Variants in FRMPD2 observed in about 807,000 individuals in gnomAD.
FRMPD2 encodes the protein FERM and PDZ domain containing 2.
Under a neutral mutation model 140.1 loss-of-function variants are expected in FRMPD2, and 96 were observed. The observed-to-expected ratio is 0.69, with a 90% CI of 0.58 to 0.81. FRMPD2 has a LOEUF of 0.81. Among genes scored for constraint, FRMPD2 ranks in the 40% least tolerant of loss-of-function variants. The pLI, the probability that FRMPD2 is intolerant of heterozygous loss-of-function variation, is 0.00. For synonymous variants in FRMPD2, 449 were observed against 547.6 expected, an observed-to-expected ratio of 0.82 and a Z score of 2.52; for missense variants, 1,240 against 1,447.4, an observed-to-expected ratio of 0.86 and a Z score of 2.32.
chr10:48,227,882 G>A (rs9651393), intron 10 of FRMPD2, among the ~76,000 whole-genome samples: 26,173 of 152,030 alleles, frequency 0.17, 2,311 homozygotes, highest in African/African-American at 0.19. Context: ...AAGTTTTTTG[G>A]TTCAATTAAA....
intron 10 of FRMPD2, among the ~76,000 whole-genome samples, chr10:48,230,249 T>C (rs541182082): frequency 6.6e-6 from 1 of 152,282 alleles, no homozygotes; most frequent in East Asian, 1.9e-4. Context: ...TCTAAAACTA[T>C]CCATAAGCAT....
chr10:48,169,078 C>G (rs1278169598), intron 26 of FRMPD2, among the ~76,000 whole-genome samples: 1 of 151,076 alleles, frequency 6.6e-6, no homozygotes, highest in Non-Finnish European at 1.5e-5. Context: ...GCCTTTTCTT[C>G]AGAGAGAGAA....
chr10:48,159,337 T>A (rs1200136751), intron 28 of FRMPD2: 3 of 440,928 alleles, frequency 6.8e-6, no homozygotes, highest in South Asian at 1.6e-5. Flanking sequence ...GTCACAGTAG[T>A]GTGGACAGAT....
At chr10:48,204,689 T>C (rs1014582656) in intron 14 of FRMPD2, among the ~76,000 whole-genome samples, 3 of 152,230 alleles carry the variant, frequency 2.0e-5, no homozygotes, top group African/African-American at 7.2e-5. Flanking sequence ...GTGATTTCTT[T>C]TCTCATTCTG....
intron 15 of FRMPD2, 109 bp downstream of exon 15, chr10:48,201,119 T>C (rs1564423373): frequency 2.8e-6 from 2 of 727,068 alleles, no homozygotes; most frequent in East Asian, 6.2e-5. Context: ...ATTAGAGAGA[T>C]TTACAACTCT....
chr10:48,176,708 G>A (rs1486122339), intron 22 of FRMPD2, among the ~76,000 whole-genome samples: 3 of 152,060 alleles, frequency 2.0e-5, no homozygotes, highest in South Asian at 2.1e-4. Flanking sequence ...TTTTTCAGAT[G>A]AAAAATAGCT....
chr10:48,172,907 A>C (rs782301411), intron 25 of FRMPD2, 39 bp downstream of exon 25: 2 of 937,986 alleles, frequency 2.1e-6, no homozygotes, highest in Non-Finnish European at 3.4e-6. Context: ...GGCACACAAT[A>C]ACATGACAAT....
At chr10:48,247,601 A>G (rs1840279761) in intron 3 of FRMPD2, among the ~76,000 whole-genome samples, 2 of 152,202 alleles carry the variant, frequency 1.3e-5, no homozygotes, top group South Asian at 4.1e-4. Context: ...CAAGAGAAAG[A>G]GGAGGGAAAA....
At chr10:48,200,508 T>C (rs186565499) in intron 15 of FRMPD2, among the ~76,000 whole-genome samples, 11 of 152,350 alleles carry the variant, frequency 7.2e-5, no homozygotes, top group South Asian at 2.1e-4. Context: ...CTTTGTTTTA[T>C]ACCAAGGTTG....
intron 9 of FRMPD2, among the ~76,000 whole-genome samples, chr10:48,233,043 C>T (rs567382239): frequency 1.3e-5 from 2 of 152,344 alleles, no homozygotes; most frequent in East Asian, 3.9e-4. Context: ...AGGTCAGGCT[C>T]TGGAGCCCTT....
intron 9 of FRMPD2, among the ~76,000 whole-genome samples, chr10:48,235,675 C>T (rs184193559): frequency 4.4e-4 from 67 of 152,306 alleles, no homozygotes; most frequent in African/African-American, 1.6e-3. Flanking sequence ...ACAATGTGTG[C>T]GCTTCCAGCC....
chr10:48,263,816 A>G (rs963657858), intron 1 of FRMPD2, among the ~76,000 whole-genome samples: 2 of 152,180 alleles, frequency 1.3e-5, no homozygotes, highest in African/African-American at 4.8e-5. Context: ...AATTGTCCCA[A>G]TACCAAAACC....
At chr10:48,246,724 G>T (rs1432997095) in intron 3 of FRMPD2, among the ~76,000 whole-genome samples, 1 of 152,206 alleles carries the variant, frequency 6.6e-6, no homozygotes, top group Non-Finnish European at 1.5e-5. Context: ...ACTGGGGGAG[G>T]ATTCTGAGCA....
intron 24 of FRMPD2, 37 bp downstream of exon 24, chr10:48,174,833 G>A (rs1183998050): frequency 6.5e-5 from 41 of 628,226 alleles, no homozygotes; most frequent in Non-Finnish European, 9.4e-5. Context: ...GGAAAGTTCC[G>A]GAAGGAGGGG....
At chr10:48,188,837 C>T (rs1838757714) in intron 16 of FRMPD2, among the ~76,000 whole-genome samples, 1 of 152,180 alleles carries the variant, frequency 6.6e-6, no homozygotes, top group African/African-American at 2.4e-5. Flanking sequence ...CTGCCAGTCA[C>T]AAAAGGATGA....
intron 1 of FRMPD2, among the ~76,000 whole-genome samples, chr10:48,256,551 C>T (rs182181585): frequency 1.8e-4 from 28 of 152,270 alleles, no homozygotes; most frequent in African/African-American, 6.5e-4. Context: ...GGCTGGTTAG[C>T]GAGATTGACA....
chr10:48,270,298 G>C (rs543176647), intron 1 of FRMPD2, among the ~76,000 whole-genome samples: 1 of 152,262 alleles, frequency 6.6e-6, no homozygotes, highest in East Asian at 1.9e-4. Context: ...TCCTCTCAGA[G>C]ACCTTACTTA....
rs538604854 is a variant in FRMPD2 at position 48,255,887 on chromosome 10, G to A, written c.26-4196C>T. On this transcript the variant is annotated intron_variant, in intron 1 of 28. Coordinates refer to ENST00000374201, the MANE Select transcript of FRMPD2 (RefSeq NM_001018071.4). The stretch of plus-strand genomic sequence containing the variant: ...CGCTCATGGTGAGGGAGGTGAGGGC[G>A]GTAAGCCAGGGGTAGGCAGGTGGGA... Among the ~76,000 whole-genome samples the A allele has an allele frequency of 2.6e-5, 4 of 152,330 alleles. No homozygotes were observed. In the East Asian group the frequency reaches 5.8e-4, roughly 22 times the overall value.
chr10:48,188,723 C>T (rs1228917444), intron 16 of FRMPD2, among the ~76,000 whole-genome samples: 1 of 152,186 alleles, frequency 6.6e-6, no homozygotes, highest in Non-Finnish European at 1.5e-5. Context: ...AGGTGGCCTT[C>T]AGGTGGCCTT....
Sources: gnomAD v4.1 joint callset for allele counts (sites outside exome capture counted in the v4.1 genomes callset) on GRCh38, gnomAD v4.1.1 for gene constraint, MANE v1.5 for transcripts, NCBI Gene and HGNC (gene_info 2026-07-23, HGNC 2026-07-21) for gene names.